RGS6: variants seen among roughly 807,000 people sequenced by gnomAD.
RGS6 encodes the protein regulator of G-protein signaling 6.
RGS6 carries 30 observed loss-of-function variants against 78.5 expected under a neutral mutation model. The observed-to-expected ratio is 0.38, with a 90% CI of 0.29 to 0.52. The LOEUF (loss-of-function observed/expected upper bound fraction) is 0.52, where lower values mean the gene tolerates loss of function less well. Ranked by LOEUF, RGS6 falls within the 20% of genes least tolerant of loss-of-function variation. RGS6 has a pLI of 0.85. For missense variants in RGS6, 495 were observed against 609.7 expected (o/e 0.81, Z 1.98); for synonymous variants, 206 against 206.0 (o/e 1.00, Z 0.00).
At chr14:72,609,913 T>G in the RGS6 span, among the ~76,000 whole-genome samples, 1 of 152,240 alleles carries the variant, frequency 6.6e-6, no homozygotes, top group Non-Finnish European at 1.5e-5. Context: ...AAACCTCATC[T>G]GCAAGAGGCA....
the RGS6 span, among the ~76,000 whole-genome samples, chr14:71,921,720 G>A: frequency 1.3e-5 from 2 of 152,192 alleles, no homozygotes; most frequent in African/African-American, 4.8e-5. Context: ...TGGGAGAAAT[G>A]GGAAGACATT....
chr14:72,370,670 T>C (rs895414269), intron 3 of RGS6, among the ~76,000 whole-genome samples: 1 of 152,046 alleles, frequency 6.6e-6, no homozygotes, highest in Non-Finnish European at 1.5e-5. Context: ...GGGCAGGGAG[T>C]ATATTGTGAT....
At chr14:72,576,605 G>A in the RGS6 span, among the ~76,000 whole-genome samples, 192 of 152,280 alleles carry the variant, frequency 1.3e-3, 4 homozygotes, top group East Asian at 0.024. Flanking sequence ...TATCTGTTAC[G>A]ATATTGTTTT....
chr14:72,033,731 G>A (rs952538119), intron 2 of RGS6, among the ~76,000 whole-genome samples: 1 of 152,172 alleles, frequency 6.6e-6, no homozygotes, highest in African/African-American at 2.4e-5. Context: ...TCAAACTGTT[G>A]TATGTTGAGG....
intron 17 of RGS6, 63 bp downstream of exon 17, chr14:72,540,157 CTT>C (rs56953388): frequency 4.5e-3 from 5,619 of 1,257,320 alleles, no homozygotes; most frequent in East Asian, 6.1e-3. Flanking sequence ...CTTTCTTCTT[CTT>C]TTTTTTTTTT....
intron 2 of RGS6, among the ~76,000 whole-genome samples, chr14:72,314,592 G>A (rs2069570248): frequency 6.6e-6 from 1 of 152,158 alleles, no homozygotes; most frequent in Non-Finnish European, 1.5e-5. Flanking sequence ...ATACTTTATA[G>A]TGACAAAGAT....
Position 72,394,095 on chromosome 14 carries a change from G to T in RGS6, c.184+41901G>T, listed in dbSNP as rs538822267. On this transcript the variant is annotated intron_variant, in intron 3 of 17. Transcript: ENST00000553525. ...TGTCCTCAGAGCTATCATTTATCAG[G>T]GGAACCCACCCCTGATAATTCAACA... Among the ~76,000 whole-genome samples the T allele has an allele frequency of 7.2e-4, 110 of 152,118 alleles. 1 individual carries two copies. The highest frequency in any genetic ancestry group is 2.6e-3 in the African/African-American group (108 of 41,498).
At chr14:72,007,103 G>C (rs1244955463) in intron 2 of RGS6, among the ~76,000 whole-genome samples, 1 of 151,432 alleles carries the variant, frequency 6.6e-6, no homozygotes, top group African/African-American at 2.4e-5. Context: ...TGATAAACTG[G>C]TGATATAGTT....
At chr14:72,449,924 A>G (rs943524941) in intron 3 of RGS6, among the ~76,000 whole-genome samples, 3 of 152,240 alleles carry the variant, frequency 2.0e-5, no homozygotes, top group Non-Finnish European at 4.4e-5. Flanking sequence ...GAGGCCGTCC[A>G]AAGTTACCCA....
chr14:71,895,926 C>G, the RGS6 span, among the ~76,000 whole-genome samples: 2 of 152,066 alleles, frequency 1.3e-5, no homozygotes, highest in African/African-American at 4.8e-5. Flanking sequence ...ACCTCACTCT[C>G]CTCCTACTCT....
At chr14:72,562,315 C>A in intron 17 of RGS6, 102 bp from the exon 18 acceptor site, 1 of 1,213,168 alleles carries the variant, frequency 8.2e-7, no homozygotes, top group Non-Finnish European at 1.2e-6. Context: ...GGTCGTTTGG[C>A]CTACATGGCT....
chr14:72,142,106 C>T (rs530823477), intron 2 of RGS6, among the ~76,000 whole-genome samples: 7 of 152,124 alleles, frequency 4.6e-5, no homozygotes, highest in African/African-American at 1.7e-4. Flanking sequence ...TTACTGTTAA[C>T]GGTGCTGAGT....
the RGS6 span, among the ~76,000 whole-genome samples, chr14:72,584,819 G>A: frequency 6.6e-6 from 1 of 152,202 alleles, no homozygotes; most frequent in Non-Finnish European, 1.5e-5. Flanking sequence ...CATGGAGTCA[G>A]GTAGGAAAGC....
chr14:72,572,840 AC>A, the RGS6 span, among the ~76,000 whole-genome samples: 1 of 152,294 alleles, frequency 6.6e-6, no homozygotes, highest in South Asian at 2.1e-4. Flanking sequence ...GCTGCTAAAA[AC>A]AAAAACAGAA....
the RGS6 span, among the ~76,000 whole-genome samples, chr14:71,900,431 G>A: frequency 2.0e-5 from 3 of 151,964 alleles, no homozygotes; most frequent in South Asian, 2.1e-4. Context: ...TCTCATTTTC[G>A]GGTCCGTGAA....
At chr14:72,467,755 G>A (rs2095959690) in intron 7 of RGS6, among the ~76,000 whole-genome samples, 1 of 152,110 alleles carries the variant, frequency 6.6e-6, no homozygotes, top group Non-Finnish European at 1.5e-5. Context: ...GATAAACCTT[G>A]GCCTGGTTGT....
chr14:72,319,871 T>C (rs2071414986), intron 2 of RGS6, among the ~76,000 whole-genome samples: 1 of 152,096 alleles, frequency 6.6e-6, no homozygotes, highest in Non-Finnish European at 1.5e-5. Context: ...ATTAAACAAA[T>C]GAAACATAAA....
At chr14:72,466,363 C>T (rs1177191031) in intron 7 of RGS6, among the ~76,000 whole-genome samples, 1 of 152,194 alleles carries the variant, frequency 6.6e-6, no homozygotes, top group East Asian at 1.9e-4. Flanking sequence ...ACCATATAAC[C>T]AAGCAATCCC....
chr14:72,433,517 A>G (rs2094753096), intron 3 of RGS6, among the ~76,000 whole-genome samples: 1 of 152,204 alleles, frequency 6.6e-6, no homozygotes, highest in African/African-American at 2.4e-5. Flanking sequence ...ATTAAAAAAA[A>G]AAGAATAATC....
Sources: allele counts gnomAD v4.1 joint callset (sites outside exome capture counted in the v4.1 genomes callset), GRCh38; gene constraint gnomAD v4.1.1; transcripts MANE v1.5; gene names NCBI Gene and HGNC (gene_info 2026-07-23, HGNC 2026-07-21).